The following GARIN5A variants were observed in gnomAD, a reference collection of about 807,000 sequenced individuals.
The protein encoded by GARIN5A is Golgi-associated RAB2 interactor protein 5A.
chr19:50,471,888 A>ATG, the GARIN5A span, among the ~76,000 whole-genome samples: 1 of 151,130 alleles, frequency 6.6e-6, no homozygotes, highest in African/African-American at 2.5e-5. Context: ...ACATGTGTGT[A>ATG]TATGTATGCA....
At chr19:50,475,516 C>CAG in the GARIN5A span, 7 of 1,489,346 alleles carry the variant, frequency 4.7e-6, no homozygotes, top group African/African-American at 9.7e-5. Context: ...GAGGAGGGAT[C>CAG]AGAGGTTAGG....
the GARIN5A span, among the ~76,000 whole-genome samples, chr19:50,474,860 C>A: frequency 6.6e-6 from 1 of 152,114 alleles, no homozygotes; most frequent in Non-Finnish European, 1.5e-5. Flanking sequence ...GCTCAAGAAC[C>A]ATGAGATCCA....
the GARIN5A span, chr19:50,475,728 G>T: frequency 1.2e-6 from 1 of 848,034 alleles, no homozygotes; most frequent in South Asian, 1.4e-5. Context: ...TGGGAGTCGG[G>T]AATCCCACGA....
At chr19:50,467,640 G>A in the GARIN5A span, 16 of 1,569,436 alleles carry the variant, frequency 1.0e-5, 1 homozygote, top group East Asian at 9.4e-5. Context: ...CCTGCGTGAA[G>A]GGCACAGCAG....
the GARIN5A span, chr19:50,475,253 G>T: frequency 7.3e-6 from 11 of 1,505,742 alleles, no homozygotes; most frequent in South Asian, 1.3e-5. Flanking sequence ...TGGACGAGGG[G>T]AGGTACTGCT....
the GARIN5A span, chr19:50,467,925 G>T: frequency 9.6e-7 from 1 of 1,046,428 alleles, no homozygotes; most frequent in Non-Finnish European, 1.4e-6. Context: ...CCCTCCCTCT[G>T]CCCCACGAAT....
the GARIN5A span, chr19:50,475,943 G>C: frequency 6.2e-7 from 1 of 1,612,140 alleles, no homozygotes; most frequent in Non-Finnish European, 8.5e-7. Flanking sequence ...GCTGCAACCA[G>C]GAGGCATTTT....
the GARIN5A span, among the ~76,000 whole-genome samples, chr19:50,471,659 CGT>C: frequency 2.3e-3 from 231 of 102,250 alleles, 3 homozygotes; most frequent in East Asian, 0.055. Context: ...CATACATGCA[CGT>C]GTGTGTATAC....
At chr19:50,472,062 GTA>G in the GARIN5A span, among the ~76,000 whole-genome samples, 87 of 134,332 alleles carry the variant, frequency 6.5e-4, no homozygotes, top group South Asian at 6.2e-3. Context: ...ATACGTGTGT[GTA>G]TATGTGTATA....
At chr19:50,474,029 G>T in the GARIN5A span, among the ~76,000 whole-genome samples, 1 of 152,172 alleles carries the variant, frequency 6.6e-6, no homozygotes, top group Non-Finnish European at 1.5e-5. Context: ...TTTCTGTACT[G>T]TAGGCATGTA....
the GARIN5A span, among the ~76,000 whole-genome samples, chr19:50,471,955 T>C: frequency 4.7e-3 from 685 of 145,344 alleles, 6 homozygotes; most frequent in African/African-American, 0.017. Flanking sequence ...TATATACATG[T>C]ATGTATGTAT....
chr19:50,471,099 G>C, the GARIN5A span, among the ~76,000 whole-genome samples: 5 of 152,078 alleles, frequency 3.3e-5, no homozygotes, highest in African/African-American at 4.8e-5. Flanking sequence ...TAAGTAGCTG[G>C]GACTACAGGC....
the GARIN5A span, chr19:50,476,621 G>A: frequency 5.8e-6 from 9 of 1,556,282 alleles, no homozygotes; most frequent in East Asian, 2.4e-5. Context: ...AGTCGAGCCC[G>A]GGGCAGCGGC....
the GARIN5A span, among the ~76,000 whole-genome samples, chr19:50,472,196 G>A: frequency 1.9e-4 from 21 of 110,452 alleles, no homozygotes; most frequent in East Asian, 6.7e-4. Flanking sequence ...ACATGTATGT[G>A]TGCATGTATA....
At chr19:50,476,744 G>A in the GARIN5A span, 1 of 819,152 alleles carries the variant, frequency 1.2e-6, no homozygotes, top group Non-Finnish European at 1.8e-6. Context: ...GACGGAAGGA[G>A]GCTGCGCAGG....
chr19:50,476,596 G>A, the GARIN5A span: 1 of 1,570,748 alleles, frequency 6.4e-7, no homozygotes. Flanking sequence ...CTTGCTGATG[G>A]CGGTAGCAGC....
At chr19:50,475,858 G>A in the GARIN5A span, 20 of 1,613,852 alleles carry the variant, frequency 1.2e-5, no homozygotes, top group Non-Finnish European at 1.5e-5. Flanking sequence ...CTCAAAGATG[G>A]GGAAGTCCCG....
At chr19:50,467,672 G>T in the GARIN5A span, 12 of 1,584,360 alleles carry the variant, frequency 7.6e-6, no homozygotes, top group South Asian at 1.3e-4. Context: ...AAGCGCAGGC[G>T]GTAGAGCAGC....
the GARIN5A span, chr19:50,467,876 C>G: frequency 6.3e-7 from 1 of 1,584,242 alleles, no homozygotes; most frequent in South Asian, 1.1e-5. Context: ...CTGTCGGGTC[C>G]TCCAGCACCG....
Sources: gnomAD v4.1 joint callset for allele counts (sites outside exome capture counted in the v4.1 genomes callset) on GRCh38, gnomAD v4.1.1 for gene constraint, MANE v1.5 for transcripts, NCBI Gene and HGNC (gene_info 2026-07-23, HGNC 2026-07-21) for gene names.